TSNARE1: variants seen among roughly 807,000 people sequenced by gnomAD.
TSNARE1 encodes t-SNARE domain containing 1, also known as t-SNARE domain-containing protein 1.
TSNARE1 carries 49 observed loss-of-function variants against 62.0 expected under a neutral mutation model. The observed-to-expected ratio is 0.79, with a 90% CI of 0.63 to 1.00. The LOEUF is 1.00. Ranked by LOEUF, TSNARE1 falls within the 50% of genes least tolerant of loss-of-function variation. The probability of loss-of-function intolerance (pLI) is 0.00; values close to 1 mark genes in which losing one functional copy is unlikely to be tolerated. For missense variants in TSNARE1, 755 were observed against 700.1 expected (o/e 1.08, Z -0.88); for synonymous variants, 328 against 294.4 (o/e 1.11, Z -1.17).
chr8:142,318,895 G>C (rs964862272), intron 6 of TSNARE1, among the ~76,000 whole-genome samples: 1 of 151,926 alleles, frequency 6.6e-6, no homozygotes, highest in African/African-American at 2.4e-5. Flanking sequence ...CAAGAGCAGC[G>C]ATGATTCCCA....
intron 4 of TSNARE1, among the ~76,000 whole-genome samples, chr8:142,339,934 A>T (rs566597376): frequency 6.6e-5 from 10 of 152,374 alleles, no homozygotes; most frequent in African/African-American, 2.2e-4. Flanking sequence ...GCATGCAGGC[A>T]ACTCCGCAGA....
At chr8:142,289,521 C>A (rs1166094412) in intron 10 of TSNARE1, among the ~76,000 whole-genome samples, 5 of 152,182 alleles carry the variant, frequency 3.3e-5, no homozygotes, top group African/African-American at 9.6e-5. Flanking sequence ...GCCCCAGAAA[C>A]CCAGGTCCTG....
At chr8:142,261,072 G>C (rs1291323057) in intron 12 of TSNARE1, among the ~76,000 whole-genome samples, 2 of 122,824 alleles carry the variant, frequency 1.6e-5, no homozygotes, top group Non-Finnish European at 3.4e-5. Flanking sequence ...CAGGAGGGAG[G>C]AGAGAGGAAA....
intron 4 of TSNARE1, among the ~76,000 whole-genome samples, chr8:142,334,237 ATCT>A (rs1306726579): frequency 6.6e-6 from 1 of 152,216 alleles, no homozygotes; most frequent in African/African-American, 2.4e-5. Flanking sequence ...GCTGTCCAAA[ATCT>A]TCTACCCCAT....
chr8:142,282,957 G>A (rs1040968610), intron 11 of TSNARE1, among the ~76,000 whole-genome samples: 28 of 141,084 alleles, frequency 2.0e-4, no homozygotes, highest in Non-Finnish European at 3.9e-4. Context: ...TGAGCAGAGG[G>A]GAGGCCACTG....
Position 142,354,764 on chromosome 8 carries a change from C to T in TSNARE1, c.-39-1G>A. 1 of 1,522,376 alleles carries T rather than the reference C, an allele frequency of 6.6e-7. No individual in the cohort carries two copies. The highest frequency in any genetic ancestry group is 9.1e-7 in the Non-Finnish European group (1 of 1,098,046). The allele number at this position is 1,522,376 out of a possible 1,614,324, so 94.3% of individuals were successfully genotyped here. A position where few individuals can be genotyped will look rare whatever the true frequency, so the allele number is the denominator to read the frequency against. ...CAGGGCCAGCAGCCTCCACACTGAG[C>T]TGGAGGAAACACGAAAAGCAGGGGG... On this transcript the variant is annotated splice_acceptor_variant, in intron 1 of 13. Coordinates refer to ENST00000524325, the MANE Select transcript of TSNARE1 (RefSeq NM_145003.5). LOFTEE classifies it low-confidence loss of function (5UTR_SPLICE).
chr8:142,358,512 A>G (rs915919008), intron 1 of TSNARE1, among the ~76,000 whole-genome samples: 5 of 151,688 alleles, frequency 3.3e-5, no homozygotes, highest in African/African-American at 4.9e-5. Flanking sequence ...GGGAGTGAAG[A>G]TTTGTGAGCT....
At chr8:142,310,386 G>C (rs1827373035) in intron 9 of TSNARE1, among the ~76,000 whole-genome samples, 1 of 151,524 alleles carries the variant, frequency 6.6e-6, no homozygotes, top group African/African-American at 2.4e-5. Flanking sequence ...AAGCCCGCCA[G>C]TCCTCATCAT....
intron 2 of TSNARE1, among the ~76,000 whole-genome samples, chr8:142,347,618 G>C (rs1319711385): frequency 3.3e-5 from 5 of 152,162 alleles, no homozygotes; most frequent in Admixed American, 3.3e-4. Flanking sequence ...AGAGACCACA[G>C]GCCCTGCTGT....
chr8:142,222,684 C>CCACTCACTCATCCACT (rs1563755735), intron 13 of TSNARE1, among the ~76,000 whole-genome samples: 40 of 86,716 alleles, frequency 4.6e-4, no homozygotes, highest in South Asian at 1.5e-3. Context: ...ATCCACTCAT[C>CCACTCACTCATCCACT]CACTCACTCA....
intron 12 of TSNARE1, among the ~76,000 whole-genome samples, chr8:142,239,315 C>T (rs529898905): frequency 2.6e-5 from 4 of 152,308 alleles, no homozygotes; most frequent in African/African-American, 9.6e-5. Context: ...CACAAGGAGC[C>T]TTAAAGCCCC....
intron 12 of TSNARE1, 28 bp downstream of exon 12, chr8:142,274,753 G>A (rs144336753): frequency 0.016 from 23,596 of 1,496,132 alleles, 244 homozygotes; most frequent in Non-Finnish European, 0.019. Context: ...CGGGCCGGCC[G>A]GGCACTGTGG....
intron 4 of TSNARE1, 116 bp from the exon 5 acceptor site, chr8:142,331,947 G>A: frequency 2.0e-6 from 2 of 1,013,080 alleles, no homozygotes; most frequent in Non-Finnish European, 3.0e-6. Context: ...GCAGCAGAGT[G>A]GCCCTGAACC....
At chr8:142,217,361 AAG>A (rs1491112578) in intron 13 of TSNARE1, among the ~76,000 whole-genome samples, 3 of 135,294 alleles carry the variant, frequency 2.2e-5, no homozygotes, top group African/African-American at 8.2e-5. Context: ...GAAAGAAAGA[AAG>A]AAAGAAAGAA....
chr8:142,323,770 G>A (rs1440436859), intron 6 of TSNARE1, among the ~76,000 whole-genome samples: 2 of 152,192 alleles, frequency 1.3e-5, no homozygotes, highest in Non-Finnish European at 2.9e-5. Context: ...TCGCCATCAC[G>A]AGGCAGTTGC....
At chr8:142,256,281 TACCATCATCACCACA>T (rs1563782547) in intron 12 of TSNARE1, among the ~76,000 whole-genome samples, 235 of 23,278 alleles carry the variant, frequency 0.01, 1 homozygote, top group Middle Eastern at 0.031. Flanking sequence ...CCACCACCAT[TACCATCATCACCACA>T]CCCACCACCA....
chr8:142,275,965 C>T (rs1043707261), intron 11 of TSNARE1: 2 of 985,288 alleles, frequency 2.0e-6, no homozygotes, highest in African/African-American at 1.7e-5. Context: ...CTCTGCAAGC[C>T]CCCTGGGCAG....
intron 11 of TSNARE1, chr8:142,280,181 T>A: frequency 1.0e-6 from 1 of 985,338 alleles, no homozygotes; most frequent in Non-Finnish European, 1.2e-6. Context: ...TCCTGGGGGC[T>A]GAAGTTGGGC....
intron 9 of TSNARE1, among the ~76,000 whole-genome samples, chr8:142,308,677 T>C (rs1450066666): frequency 6.6e-6 from 1 of 152,226 alleles, no homozygotes; most frequent in Non-Finnish European, 1.5e-5. Context: ...CTTTATAGTG[T>C]GTTCCAATAC....
Sources: gnomAD v4.1 joint callset for allele counts (sites outside exome capture counted in the v4.1 genomes callset) on GRCh38, gnomAD v4.1.1 for gene constraint, MANE v1.5 for transcripts, NCBI Gene and HGNC (gene_info 2026-07-23, HGNC 2026-07-21) for gene names.